Variants in XKR4 observed in about 807,000 individuals in gnomAD.
The protein encoded by XKR4 is XK related 4, also known as XK-related protein 4.
Under a neutral mutation model 53.9 loss-of-function variants are expected in XKR4, and 12 were observed. The observed-to-expected ratio is 0.22, with a 90% CI of 0.14 to 0.36. The LOEUF is 0.36. Among genes scored for constraint, XKR4 ranks in the 10% least tolerant of loss-of-function variants. The probability of loss-of-function intolerance (pLI) is 1.00; values close to 1 mark genes in which losing one functional copy is unlikely to be tolerated. For synonymous variants in XKR4, 354 were observed against 362.4 expected (o/e 0.98, Z 0.26); for missense variants, 799 against 859.5 (o/e 0.93, Z 0.88).
intron 2 of XKR4, among the ~76,000 whole-genome samples, chr8:55,404,168 T>C (rs1804652820): frequency 6.6e-6 from 1 of 152,196 alleles, no homozygotes; most frequent in South Asian, 2.1e-4. Context: ...TCTCTTGGTA[T>C]CTGTTAACAT....
chr8:55,501,685 CA>C (rs1202569324), intron 2 of XKR4, among the ~76,000 whole-genome samples: 1 of 150,640 alleles, frequency 6.6e-6, no homozygotes, highest in East Asian at 1.9e-4. Context: ...TAAATACATA[CA>C]TATATATATA....
intron 2 of XKR4, among the ~76,000 whole-genome samples, chr8:55,517,964 G>A (rs753193552): frequency 5.9e-5 from 9 of 152,214 alleles, no homozygotes; most frequent in Non-Finnish European, 1.3e-4. Context: ...GGTTGTGAAT[G>A]TGGGCCAGTG....
At chr8:55,454,460 A>G (rs1805523451) in intron 2 of XKR4, 1 of 1,180,516 alleles carries the variant, frequency 8.5e-7, no homozygotes, top group Non-Finnish European at 1.2e-6. Context: ...CAGGAAGAGA[A>G]CCTCGTGCTC....
intron 2 of XKR4, among the ~76,000 whole-genome samples, chr8:55,383,128 G>A (rs1052589124): frequency 3.3e-5 from 5 of 152,164 alleles, no homozygotes; most frequent in African/African-American, 4.8e-5. Flanking sequence ...CAGGAGAATC[G>A]CTTGAACCTG....
intron 2 of XKR4, among the ~76,000 whole-genome samples, chr8:55,502,668 A>T (rs965067490): frequency 6.6e-6 from 1 of 151,962 alleles, no homozygotes; most frequent in African/African-American, 2.4e-5. Flanking sequence ...CCATTCTATG[A>T]CTGTCTTTTT....
At chr8:55,407,251 G>A (rs1392478710) in intron 2 of XKR4, among the ~76,000 whole-genome samples, 1 of 152,164 alleles carries the variant, frequency 6.6e-6, no homozygotes, top group Non-Finnish European at 1.5e-5. Context: ...GAGGACTTAG[G>A]TTTTTAAAAT....
In XKR4 at chr8:55,236,684, G is replaced by A. The variant is rs572210106; in HGVS notation, c.807-120994G>A. Among the ~76,000 whole-genome samples the A allele has an allele frequency of 1.4e-4, 22 of 152,146 alleles. No individual in the cohort carries two copies. The South Asian group carries it at 4.0e-3, about 27-fold the overall frequency. ...GGCCCTCTACCCTCCTGCATCTCTC[G>A]CCCCAGCTCCTCCCCATTTCCTGAG... is the stretch of plus-strand genomic sequence containing the variant. On this transcript the variant is annotated intron_variant, in intron 1 of 2. Coordinates refer to ENST00000327381, the MANE Select transcript of XKR4 (RefSeq NM_052898.2).
chr8:55,129,199 G>T (rs1287893525), intron 1 of XKR4, among the ~76,000 whole-genome samples: 3 of 152,172 alleles, frequency 2.0e-5, no homozygotes, highest in African/African-American at 7.2e-5. Flanking sequence ...GGAAAATATA[G>T]TTTTTTCTTT....
At chr8:55,207,719 TCTC>T (rs1817670077) in intron 1 of XKR4, among the ~76,000 whole-genome samples, 1 of 29,260 alleles carries the variant, frequency 3.4e-5, no homozygotes, top group Non-Finnish European at 8.1e-5. Flanking sequence ...TTGTTCATCT[TCTC>T]ATAAAGAAGA....
At chr8:55,152,592 G>A (rs1214597935) in intron 1 of XKR4, among the ~76,000 whole-genome samples, 2 of 152,166 alleles carry the variant, frequency 1.3e-5, no homozygotes, top group East Asian at 3.9e-4. Context: ...CAACTTTCAT[G>A]TAATTTAAAT....
intron 1 of XKR4, among the ~76,000 whole-genome samples, chr8:55,169,455 G>T (rs972053338): frequency 2.6e-5 from 4 of 152,156 alleles, no homozygotes; most frequent in Non-Finnish European, 5.9e-5. Flanking sequence ...GTTACAGAAG[G>T]GTATCGACTC....
intron 2 of XKR4, among the ~76,000 whole-genome samples, chr8:55,409,767 G>T (rs1297341385): frequency 1.3e-5 from 2 of 152,116 alleles, no homozygotes; most frequent in African/African-American, 4.8e-5. Context: ...ATGGCCCTAG[G>T]ATCTCTTTTT....
chr8:55,313,110 T>C (rs1819410834), intron 1 of XKR4, among the ~76,000 whole-genome samples: 1 of 152,224 alleles, frequency 6.6e-6, no homozygotes, highest in Non-Finnish European at 1.5e-5. Flanking sequence ...CCTTGGTGGA[T>C]AGAAACCATA....
At chr8:55,202,432 C>T (rs995650382) in intron 1 of XKR4, among the ~76,000 whole-genome samples, 2 of 152,234 alleles carry the variant, frequency 1.3e-5, no homozygotes, top group East Asian at 1.9e-4. Context: ...CCTCCACAAA[C>T]GTGGAATTCA....
chr8:55,419,475 T>C (rs1190532051), intron 2 of XKR4, among the ~76,000 whole-genome samples: 3 of 152,244 alleles, frequency 2.0e-5, no homozygotes, highest in African/African-American at 4.8e-5. Context: ...CATGATTCAA[T>C]ACGAACTACT....
chr8:55,460,043 G>A (rs939003865), intron 2 of XKR4, among the ~76,000 whole-genome samples: 32 of 148,252 alleles, frequency 2.2e-4, no homozygotes, highest in African/African-American at 7.1e-4. Context: ...CCATCAACTG[G>A]TGAATGCATA....
intron 2 of XKR4, among the ~76,000 whole-genome samples, chr8:55,383,442 GA>G (rs1458601386): frequency 6.6e-6 from 1 of 152,182 alleles, no homozygotes; most frequent in Non-Finnish European, 1.5e-5. Flanking sequence ...AGAAGGAGAG[GA>G]AATCACTCAG....
intron 2 of XKR4, among the ~76,000 whole-genome samples, chr8:55,496,193 G>A (rs1024386171): frequency 2.0e-5 from 3 of 152,160 alleles, no homozygotes; most frequent in South Asian, 2.1e-4. Context: ...GGAGCTGTTC[G>A]GGTTAAGAAG....
At chr8:55,337,984 G>T (rs1803487033) in intron 1 of XKR4, among the ~76,000 whole-genome samples, 1 of 152,096 alleles carries the variant, frequency 6.6e-6, no homozygotes, top group Non-Finnish European at 1.5e-5. Context: ...CTCCCATATT[G>T]TCTCTTGCCT....
Sources: gnomAD v4.1 joint callset for allele counts (sites outside exome capture counted in the v4.1 genomes callset) on GRCh38, gnomAD v4.1.1 for gene constraint, MANE v1.5 for transcripts, NCBI Gene and HGNC (gene_info 2026-07-23, HGNC 2026-07-21) for gene names.